Variants in SELENBP1 observed in about 807,000 individuals in gnomAD.
The protein encoded by SELENBP1 is selenium binding protein 1.
In SELENBP1, 71 loss-of-function variants were observed where a neutral mutation model predicts 61.0. The ratio of observed to expected loss-of-function variants is 1.16; its 90% confidence interval spans 0.96 to 1.42. The LOEUF is 1.42. SELENBP1 is among the 40% of genes most tolerant of loss of function. The probability of loss-of-function intolerance (pLI) is 0.00; values close to 1 mark genes in which losing one functional copy is unlikely to be tolerated. For missense variants in SELENBP1, 561 were observed against 605.0 expected, an observed-to-expected ratio of 0.93 and a Z score of 0.76; for synonymous variants, 270 against 238.9, an observed-to-expected ratio of 1.13 and a Z score of -1.20.
At chr1:151,368,618 C>T (rs1651976891) in intron 4 of SELENBP1, among the ~76,000 whole-genome samples, 2 of 152,198 alleles carry the variant, frequency 1.3e-5, no homozygotes, top group South Asian at 4.1e-4. Context: ...TGGCCTACAC[C>T]AGTGTCAACT....
rs773560074 is a variant in SELENBP1, at chr1:151,364,549, C to T, written c.1413G>A (p.Trp471Ter). 5 of 1,613,902 alleles carry T rather than the reference C, an allele frequency of 3.1e-6. No homozygotes were observed. Among genetic ancestry groups the T allele is most frequent in the Non-Finnish European group, 4.2e-6 (5 of 1,179,968 alleles). ...YPGGDCSSDI[W>*]I ...TGGGTGATGAGGGTGGAGTTCAAAT[C>T]CAGATGTCAGAGCTACAATCGCCCC... Residue 471 changes from tryptophan to a stop codon, truncating the protein, a stop_gained, in exon 12 of 12, where the codon TGG (tryptophan) becomes TGA (stop). Coordinates refer to ENST00000368868, the MANE Select transcript of SELENBP1 (RefSeq NM_003944.4). LOFTEE classifies it high-confidence loss of function.
At chr1:151,365,105 C>G (rs1409196315) in intron 10 of SELENBP1, 61 bp from the exon 11 acceptor site, 1 of 1,584,844 alleles carries the variant, frequency 6.3e-7, no homozygotes, top group African/African-American at 1.3e-5. Context: ...CCACCCCAAC[C>G]CCAAGAGTAT....
At chr1:151,367,524 T>C (rs1651912068) in intron 5 of SELENBP1, among the ~76,000 whole-genome samples, 1 of 152,044 alleles carries the variant, frequency 6.6e-6, no homozygotes, top group Non-Finnish European at 1.5e-5. Flanking sequence ...AGCAGAAACG[T>C]TTCTCCCACG....
At chr1:151,369,805 C>G in intron 1 of SELENBP1, 36 bp from the exon 2 acceptor site, 1 of 1,551,718 alleles carries the variant, frequency 6.4e-7, no homozygotes, top group East Asian at 2.4e-5. Context: ...CTGGGCCACG[C>G]TCTGGAGGGT....
At chr1:151,365,083 A>G (rs1352284767) in intron 10 of SELENBP1, 39 bp from the exon 11 acceptor site, 1 of 1,590,890 alleles carries the variant, frequency 6.3e-7, no homozygotes, top group Non-Finnish European at 8.6e-7. Context: ...GGTAACACAC[A>G]GATCCTAGGC....
rs146726959 is a variant in SELENBP1 at position 151,365,214 on chromosome 1, G to C, written c.1112C>G (p.Ser371Cys). 1.6e-3 allele frequency: 2,662 copies of C among 1,613,884 alleles called. 5 individuals are homozygous for C. The highest frequency in any genetic ancestry group is 1.9e-3 in the Admixed American group (116 of 59,972). The change falls in exon 10 of 12, where the codon TCC (serine) becomes TGC (cysteine). Residue 371 changes from serine (S) to cysteine (C), a missense_variant. Coordinates refer to ENST00000368868, the MANE Select transcript of SELENBP1 (RefSeq NM_003944.4). ...CTTGACCACTAGGGGCTCTGGCTGG[G>C]ACTTTAGTTCCTCGTCCTCCAGCAC... ...VQVLEDEELK[S>C]QPEPLVVKGK...
At chr1:151,372,015 G>T (rs1344219815) in intron 1 of SELENBP1, among the ~76,000 whole-genome samples, 2 of 132,388 alleles carry the variant, frequency 1.5e-5, no homozygotes, top group East Asian at 3.9e-4. Context: ...CCAGCCCCGA[G>T]CGGGGAAGGA....
In SELENBP1 at chr1:151,366,424, C is replaced by T. The variant is rs563948456; in HGVS notation, c.694G>A (p.Asp232Asn). ...TGCACAATCTCATGGCGCTGCCAGT[C>T]CCATACATATAAGTGGCTCCCGTAC... ...GLYGSHLYVW[D>N]WQRHEIVQTL... The change falls in exon 7 of 12, where the codon GAC becomes AAC. Residue 232 changes from aspartate (D) to asparagine (N), a missense_variant. Physicochemically the swap from Asp to Asn is conservative, Grantham distance 23. Coordinates refer to ENST00000368868, the MANE Select transcript of SELENBP1 (RefSeq NM_003944.4). 1 of 1,613,928 alleles carries T rather than the reference C, an allele frequency of 6.2e-7. No homozygotes were observed. Among genetic ancestry groups the T allele is most frequent in the South Asian group, 1.1e-5 (1 of 91,058 alleles).
intron 11 of SELENBP1, 39 bp downstream of exon 11, chr1:151,364,887 G>C (rs1447896842): frequency 1.2e-5 from 19 of 1,595,754 alleles, no homozygotes; most frequent in Admixed American, 5.0e-5. Context: ...CTCTGGAAGA[G>C]GAGGGCTGGG....
rs1651704885 is a variant in SELENBP1 at position 151,364,680 on chromosome 1, C to T, written c.1282G>A (p.Asp428Asn). Residue 428 changes from aspartate to asparagine, a missense_variant, in exon 12 of 12, where the codon GAT becomes AAT. Coordinates refer to ENST00000368868, the MANE Select transcript of SELENBP1 (RefSeq NM_003944.4). ...AGCCCTCCTTTTACTGTGTCTACAT[C>T]AACCTGCAGCATCACAGAGCCTTCC... Reference protein sequence around the residue: ...IREGSVMLQVDVDTVKGGLKL... With the variant: ...IREGSVMLQVNVDTVKGGLKL... 1 of 1,599,138 alleles carries T rather than the reference C, an allele frequency of 6.3e-7. No individual in the cohort carries two copies. The highest frequency in any genetic ancestry group is 1.7e-5 in the Admixed American group (1 of 58,758).
intron 1 of SELENBP1, among the ~76,000 whole-genome samples, chr1:151,371,057 C>T (rs2102101800): frequency 6.6e-6 from 1 of 152,212 alleles, no homozygotes; most frequent in East Asian, 1.9e-4. Flanking sequence ...ATATGGAGGA[C>T]AAATAAGACA....
chr1:151,369,284 G>A, intron 3 of SELENBP1, 95 bp from the exon 4 acceptor site: 1 of 1,499,200 alleles, frequency 6.7e-7, no homozygotes. Context: ...TGGAAGCACG[G>A]CACAGGCTGG....
intron 11 of SELENBP1, 81 bp from the exon 12 acceptor site, chr1:151,364,786 A>C: frequency 6.6e-7 from 1 of 1,515,444 alleles, no homozygotes; most frequent in Non-Finnish European, 8.9e-7. Context: ...AAAGCTCCTG[A>C]GGAAGGAGGA....
At chr1:151,370,090 C>G in intron 1 of SELENBP1, 1 of 1,124,004 alleles carries the variant, frequency 8.9e-7, no homozygotes, top group Non-Finnish European at 1.2e-6. Flanking sequence ...CCAACCCCAG[C>G]CCACCACTGA....
At position 151,365,246 on chromosome 1, in the gene SELENBP1, A is replaced by AG. The variant is rs760657729; in HGVS notation, c.1079dup (p.Val361CysfsTer56). On this transcript the variant is annotated frameshift_variant, in exon 10 of 12. Coordinates refer to ENST00000368868, the MANE Select transcript of SELENBP1 (RefSeq NM_003944.4). LOFTEE classifies it high-confidence loss of function. ...GTTCCTCGTCCTCCAGCACTTGCAC[A>AG]GGGCCTCCCTTAACAATGCTGCCTC... The AG allele has an allele frequency of 6.2e-7, 1 of 1,613,438 alleles. No individual in the cohort carries two copies. The highest frequency in any genetic ancestry group is 8.5e-7 in the Non-Finnish European group (1 of 1,179,726).
Position 151,365,583 on chromosome 1 carries a change from T to C in SELENBP1, c.1024A>G (p.Arg342Gly). Residue 342 changes from arginine to glycine, a missense_variant, in exon 9 of 12, where the codon AGA (arginine) becomes GGA (glycine). Transcript: ENST00000368868. ...TCCACCTGTCCTGTGAGGCGGGGTC[T>C]CTGTGGGTCAGAGATGTCATACTGC... Reference protein sequence around the residue: ...LRQYDISDPQRPRLTGQLFLG... With the variant: ...LRQYDISDPQGPRLTGQLFLG... The C allele has an allele frequency of 1.2e-6, 2 of 1,614,186 alleles. No homozygotes were observed. Among genetic ancestry groups the C allele is most frequent in the Middle Eastern group, 1.6e-4 (1 of 6,062 alleles).
At chr1:151,365,718 C>T (rs1483714643) in intron 8 of SELENBP1, 34 bp from the exon 9 acceptor site, 1 of 1,613,948 alleles carries the variant, frequency 6.2e-7, no homozygotes, top group African/African-American at 1.3e-5. Flanking sequence ...CCTTTAAGGA[C>T]TCTTGTTTCC....
At chr1:151,365,539 T>C in intron 9 of SELENBP1, 24 bp downstream of exon 9, 1 of 1,613,768 alleles carries the variant, frequency 6.2e-7, no homozygotes, top group Non-Finnish European at 8.5e-7. Flanking sequence ...CCTTCCCTTC[T>C]GCTCCTCCTG....
rs773273231 is a variant in SELENBP1 at position 151,369,180 on chromosome 1, G to T, written c.184C>A (p.Arg62=). ...TCCTTCAGGTTGGGCATGGGCAGCC[G>T]GTGGATGACCTAGGATGCGGGGAGA... ...KSPQYCQVIH[R]LPMPNLKDEL... The change falls in exon 4 of 12, where the codon CGG becomes AGG. Residue 62 remains arginine, a synonymous_variant. Transcript: ENST00000368868. 6.2e-7 allele frequency: 1 copy of T among 1,610,114 alleles called. No individual in the cohort carries two copies. The highest frequency in any genetic ancestry group is 1.7e-5 in the Admixed American group (1 of 59,902).
Sources: allele counts gnomAD v4.1 joint callset (sites outside exome capture counted in the v4.1 genomes callset), GRCh38; gene constraint gnomAD v4.1.1; transcripts MANE v1.5; gene names NCBI Gene and HGNC (gene_info 2026-07-23, HGNC 2026-07-21).